The following KAT6B variants were observed in gnomAD, a reference collection of about 807,000 sequenced individuals.
KAT6B encodes the protein histone acetyltransferase KAT6B.
A neutral mutation model predicts 187.5 loss-of-function variants in KAT6B; 10 were observed. That is an observed-to-expected ratio of 0.05 (90% CI 0.03 to 0.09). The LOEUF is 0.09. Ranked by LOEUF, KAT6B falls within the 10% of genes least tolerant of loss-of-function variation. KAT6B has a pLI of 1.00. For missense variants in KAT6B, 1,952 were observed against 2,558.9 expected, an observed-to-expected ratio of 0.76 and a Z score of 5.12; for synonymous variants, 861 against 926.8, an observed-to-expected ratio of 0.93 and a Z score of 1.29.
At chr10:75,006,169 A>G (rs1273005708) in intron 13 of KAT6B, among the ~76,000 whole-genome samples, 1 of 152,216 alleles carries the variant, frequency 6.6e-6, no homozygotes, top group East Asian at 1.9e-4. Context: ...TGTTAGGGTC[A>G]TGTCAAAAAG....
rs768018631 is a variant in KAT6B at position 74,981,853 on chromosome 10, A to G, written c.2298A>G (p.Arg766=). 1 of 1,604,342 alleles carries G rather than the reference A, an allele frequency of 6.2e-7. No individual in the cohort carries two copies. Among genetic ancestry groups the G allele is most frequent in the East Asian group, 2.2e-5 (1 of 44,802 alleles). ...TGAAAAGTAAAAATATTTTGCTAAG[A>G]CACTCCAAGAAGTGTGGATGGTTTC... The part of the protein sequence containing the change: ...KYMKSKNILL[R]HSKKCGWFHP... The change falls in exon 11 of 18, where the codon AGA becomes AGG. Residue 766 remains arginine (R), a synonymous_variant. Transcript: ENST00000287239.
chr10:74,844,390 G>C (rs1841958950), intron 3 of KAT6B, among the ~76,000 whole-genome samples: 1 of 152,184 alleles, frequency 6.6e-6, no homozygotes, highest in Non-Finnish European at 1.5e-5. Context: ...GTAGAGACCA[G>C]GTTTCACCAT....
At chr10:74,830,731 CATAT>C (rs1198969374) in intron 1 of KAT6B, among the ~76,000 whole-genome samples, 199 of 17,190 alleles carry the variant, frequency 0.012, 1 homozygote, top group African/African-American at 0.02. Flanking sequence ...CACAGCTCTT[CATAT>C]ATATATATAT....
At chr10:74,873,965 A>C (rs11001188) in intron 3 of KAT6B, among the ~76,000 whole-genome samples, 3,524 of 152,282 alleles carry the variant, frequency 0.023, 135 homozygotes, top group African/African-American at 0.08. Flanking sequence ...GTGTTCTTCA[A>C]ACTGAATTGT....
At chr10:74,944,606 G>A (rs1311988485) in intron 3 of KAT6B, among the ~76,000 whole-genome samples, 1 of 151,980 alleles carries the variant, frequency 6.6e-6, no homozygotes, top group Non-Finnish European at 1.5e-5. Context: ...TCAAGAGATC[G>A]AGACCATCCT....
intron 13 of KAT6B, among the ~76,000 whole-genome samples, chr10:75,004,519 G>A (rs1844068928): frequency 6.6e-6 from 1 of 152,154 alleles, no homozygotes; most frequent in African/African-American, 2.4e-5. Flanking sequence ...GATGGTCTAG[G>A]TGATGAGGAC....
intron 3 of KAT6B, among the ~76,000 whole-genome samples, chr10:74,925,078 C>T (rs1176520940): frequency 1.3e-5 from 2 of 152,062 alleles, no homozygotes; most frequent in Non-Finnish European, 2.9e-5. Flanking sequence ...GAAGGAGTCT[C>T]GCTTAGGCTG....
intron 3 of KAT6B, among the ~76,000 whole-genome samples, chr10:74,954,487 A>G (rs1276533453): frequency 6.6e-6 from 1 of 152,202 alleles, no homozygotes; most frequent in African/African-American, 2.4e-5. Flanking sequence ...AGCGGAAAAA[A>G]AAAAGAATCC....
At chr10:75,004,989 A>G (rs112199739) in intron 13 of KAT6B, among the ~76,000 whole-genome samples, 6 of 152,078 alleles carry the variant, frequency 3.9e-5, no homozygotes, top group African/African-American at 9.6e-5. Context: ...CACTGGGATT[A>G]CAGGTGTGAG....
intron 4 of KAT6B, among the ~76,000 whole-genome samples, chr10:74,964,684 C>T (rs1841337175): frequency 2.0e-5 from 3 of 152,142 alleles, no homozygotes; most frequent in African/African-American, 7.2e-5. Context: ...GCTTCCTCCA[C>T]CCAAAACAAC....
chr10:75,024,439 A>G (rs767198973), intron 16 of KAT6B, among the ~76,000 whole-genome samples: 5 of 152,250 alleles, frequency 3.3e-5, no homozygotes, highest in Admixed American at 6.5e-5. Flanking sequence ...TTTCCTTTTC[A>G]TAGCCCTGAA....
At chr10:75,004,158 T>C (rs947877884) in intron 13 of KAT6B, among the ~76,000 whole-genome samples, 2 of 152,100 alleles carry the variant, frequency 1.3e-5, no homozygotes, top group Admixed American at 6.5e-5. Context: ...CAAATTCCAT[T>C]CAAATAATTG....
chr10:74,863,393 ATCT>A (rs1229418180), intron 3 of KAT6B, among the ~76,000 whole-genome samples: 4 of 152,206 alleles, frequency 2.6e-5, no homozygotes, highest in African/African-American at 7.2e-5. Context: ...GTGCTCCTAA[ATCT>A]TCTGCTATTA....
At chr10:74,830,689 A>G (rs1479439899) in intron 1 of KAT6B, among the ~76,000 whole-genome samples, 1 of 121,412 alleles carries the variant, frequency 8.2e-6, no homozygotes, top group Non-Finnish European at 1.6e-5. Flanking sequence ...AATATGGTAA[A>G]TTTTGCGTTT....
In KAT6B at chr10:75,021,884, G is replaced by A; in HGVS notation, c.3025G>A (p.Glu1009Lys). 1 of 1,614,144 alleles carries A rather than the reference G, an allele frequency of 6.2e-7. No homozygotes were observed. Among genetic ancestry groups the A allele is most frequent in the East Asian group, 2.2e-5 (1 of 44,888 alleles). ...EEEREAEKEA[E>K]RLMEQASCWE... ...CATTTTTACCCTCCCCACTTAGGCT[G>A]AGCGGCTAATGGAACAAGCTAGCTG... Residue 1009 changes from glutamate (E) to lysine (K), a missense_variant, in exon 16 of 18, where the codon GAG becomes AAG. Physicochemically the swap from Glu to Lys is moderately conservative, Grantham distance 56. Coordinates refer to ENST00000287239, the MANE Select transcript of KAT6B (RefSeq NM_012330.4).
intron 8 of KAT6B, 90 bp from the exon 9 acceptor site, chr10:74,977,226 G>T: frequency 2.1e-6 from 3 of 1,400,366 alleles, no homozygotes; most frequent in Non-Finnish European, 3.0e-6. Flanking sequence ...TATTTGCCCA[G>T]TATGCTAATT....
chr10:74,864,093 G>A (rs1358027044), intron 3 of KAT6B, among the ~76,000 whole-genome samples: 1 of 152,112 alleles, frequency 6.6e-6, no homozygotes, highest in Non-Finnish European at 1.5e-5. Flanking sequence ...TTTTGAGACA[G>A]GGTCTCTCTC....
At chr10:74,858,283 ATTT>A (rs755754008) in intron 3 of KAT6B, among the ~76,000 whole-genome samples, 9 of 135,092 alleles carry the variant, frequency 6.7e-5, no homozygotes, top group Admixed American at 1.5e-4. Flanking sequence ...TGGATGGGCA[ATTT>A]TTTTTTTTTT....
chr10:74,973,071 T>C (rs940719670), intron 7 of KAT6B, among the ~76,000 whole-genome samples: 6 of 152,256 alleles, frequency 3.9e-5, no homozygotes, highest in African/African-American at 1.4e-4. Flanking sequence ...TCTCTTCTGA[T>C]AGTAATGTAG....
Sources: allele counts gnomAD v4.1 joint callset (sites outside exome capture counted in the v4.1 genomes callset), GRCh38; gene constraint gnomAD v4.1.1; transcripts MANE v1.5; gene names NCBI Gene and HGNC (gene_info 2026-07-23, HGNC 2026-07-21).